BSN: variants seen among roughly 807,000 people sequenced by gnomAD.
The protein encoded by BSN is bassoon presynaptic cytomatrix protein, also known as protein bassoon.
BSN carries 57 observed loss-of-function variants against 264.8 expected under a neutral mutation model. That is an observed-to-expected ratio of 0.22 (90% CI 0.17 to 0.27). The LOEUF (loss-of-function observed/expected upper bound fraction) is 0.27. Ranked by LOEUF, BSN falls within the 10% of genes least tolerant of loss-of-function variation. The pLI, the probability that BSN is intolerant of heterozygous loss-of-function variation, is 1.00. For synonymous variants in BSN, 2,059 were observed against 2,137.3 expected (o/e 0.96, Z 1.01); for missense variants, 4,615 against 5,232.5 (o/e 0.88, Z 3.64).
In BSN at chr3:49,655,477, A is replaced by C. The variant is rs144814234; in HGVS notation, c.5921A>C (p.Gln1974Pro). Reference sequence around the variant, plus strand: ...CATGAGGAGCAGAGGCCCTACCCACAAGGCCTGCCTGGTAGGCTGTACTCC... The same window carrying C: ...CATGAGGAGCAGAGGCCCTACCCACCAGGCCTGCCTGGTAGGCTGTACTCC... ...GPHEEQRPYP[Q>P]GLPGRLYSSM... The change falls in exon 5 of 12, where the codon CAA becomes CCA. Residue 1974 changes from glutamine (Q) to proline (P), a missense_variant. Transcript: ENST00000296452. The C allele has an allele frequency of 5.1e-4, 806 of 1,589,392 alleles. 7 individuals carry two copies. In the African/African-American group the frequency reaches 0.01, roughly 20 times the overall value.
At chr3:49,602,681 A>AC (rs2052081367) in intron 1 of BSN, among the ~76,000 whole-genome samples, 1 of 152,018 alleles carries the variant, frequency 6.6e-6, no homozygotes, top group Admixed American at 6.6e-5. Context: ...TCTGACCTCA[A>AC]GTGATCCATC....
chr3:49,612,237 G>A (rs749972503), intron 1 of BSN, among the ~76,000 whole-genome samples: 5 of 151,462 alleles, frequency 3.3e-5, no homozygotes, highest in Non-Finnish European at 7.4e-5. Flanking sequence ...CCGGGTTCAC[G>A]CCGTCCTCCT....
At chr3:49,562,910 C>T (rs1054409132) in intron 1 of BSN, among the ~76,000 whole-genome samples, 5 of 152,114 alleles carry the variant, frequency 3.3e-5, no homozygotes, top group African/African-American at 4.8e-5. Flanking sequence ...TGGCTATGCA[C>T]GTTGGGTATG....
intron 1 of BSN, among the ~76,000 whole-genome samples, chr3:49,606,135 C>T (rs56193137): frequency 0.36 from 7,418 of 20,822 alleles, 2,700 homozygotes; most frequent in East Asian, 0.73. Context: ...ATTATATATA[C>T]ATATATTATA....
intron 11 of BSN, among the ~76,000 whole-genome samples, chr3:49,666,909 C>CGGCTTCCTGT (rs1170479422): frequency 2.0e-5 from 3 of 152,216 alleles, no homozygotes; most frequent in African/African-American, 7.2e-5. Flanking sequence ...GGGCTTCCTG[C>CGGCTTCCTGT]GGCTTCCCGC....
intron 1 of BSN, among the ~76,000 whole-genome samples, chr3:49,577,280 A>G (rs2051852238): frequency 6.6e-6 from 1 of 152,232 alleles, no homozygotes; most frequent in Non-Finnish European, 1.5e-5. Context: ...TCAAATTACA[A>G]GAGTTTGTTC....
At position 49,650,617 on chromosome 3, in the gene BSN, A is replaced by G. The variant is rs773996500; in HGVS notation, c.1524A>G (p.Thr508=). Residue 508 remains threonine, a synonymous_variant, in exon 4 of 12, where the codon ACA becomes ACG. Transcript: ENST00000296452. ...CCTCTCCCATTTCCTTGCAGAAAAC[A>G]GAGTGGCTCTGTCTGAACTGCCAAA... ...FNPTPHLVEK[T]EWLCLNCQTK... is the part of the protein sequence containing the mutation. 2.5e-6 allele frequency: 4 copies of G among 1,589,668 alleles called. No homozygotes were observed. Among genetic ancestry groups the G allele is most frequent in the Non-Finnish European group, 2.6e-6 (3 of 1,174,142 alleles).
chr3:49,628,049 T>A, intron 2 of BSN, among the ~76,000 whole-genome samples: 1 of 152,104 alleles, frequency 6.6e-6, no homozygotes, highest in African/African-American at 2.4e-5. Flanking sequence ...AGCTTCCCAG[T>A]GGACAGAGGG....
intron 1 of BSN, among the ~76,000 whole-genome samples, chr3:49,575,658 GTATATATATA>G (rs10538409): frequency 1.6e-4 from 22 of 141,636 alleles, no homozygotes; most frequent in Non-Finnish European, 2.7e-4. Flanking sequence ...GTGTGTGTGT[GTATATATATA>G]TATATATATA....
intron 1 of BSN, among the ~76,000 whole-genome samples, chr3:49,600,742 T>C (rs576032791): frequency 1.3e-5 from 2 of 152,178 alleles, no homozygotes; most frequent in East Asian, 3.9e-4. Flanking sequence ...AGGTCGAGGC[T>C]CTAGTGAGCT....
At position 49,625,865 on chromosome 3, in the gene BSN, C is replaced by A. The variant is rs2052338492; in HGVS notation, c.633+482C>A. On this transcript the variant is annotated intron_variant, in intron 2 of 11. Transcript: ENST00000296452. The surrounding 1 kb of genome is among the most constrained non-coding windows in gnomAD (Gnocchi z 4.4). ...AGTTTCAGGGGAGGCAGGAAACTGC[C>A]TTCCAGCTGGGCTCTGGGAAGCACC... 6.6e-6 allele frequency among the ~76,000 whole-genome samples: 1 copy of A among 152,206 alleles called. No homozygotes were observed. The highest frequency in any genetic ancestry group is 2.4e-5 in the African/African-American group (1 of 41,458).
Position 49,651,620 on chromosome 3 carries a change from C to A in BSN, c.2064C>A (p.Asp688Glu), listed in dbSNP as rs377019592. ...QSLSDTGYSSDGISSSQSEIT... is the reference protein window; with the variant it reads ...QSLSDTGYSSEGISSSQSEIT... ...TCAGTGACACAGGCTATTCCTCTGA[C>A]GGCATCTCTAGCTCCCAGAGTGAGA... is the stretch of plus-strand genomic sequence containing the variant. The change falls in exon 5 of 12, where the codon GAC becomes GAA. Residue 688 changes from aspartate (D) to glutamate (E), a missense_variant. Around this residue, in one of 3 missense-constraint regions of BSN, gnomAD observed 1,197 missense variants for 1,348.0 expected, o/e 0.89. Coordinates refer to ENST00000296452, the MANE Select transcript of BSN (RefSeq NM_003458.4). The surrounding 1 kb of genome is among the most constrained non-coding windows in gnomAD (Gnocchi z 5.4). The A allele has an allele frequency of 4.3e-6, 7 of 1,613,842 alleles. No homozygotes were observed. Among genetic ancestry groups the A allele is most frequent in the Non-Finnish European group, 5.9e-6 (7 of 1,179,926 alleles).
Position 49,653,659 on chromosome 3 carries a change from A to G in BSN, c.4103A>G (p.Lys1368Arg), listed in dbSNP as rs2052565197. 6.2e-7 allele frequency: 1 copy of G among 1,613,662 alleles called. No individual in the cohort carries two copies. Among genetic ancestry groups the G allele is most frequent in the Non-Finnish European group, 8.5e-7 (1 of 1,179,908 alleles). The change falls in exon 5 of 12, where the codon AAG becomes AGG. Residue 1368 changes from lysine (K) to arginine (R), a missense_variant. By Grantham distance (26) the Lys-to-Arg change is conservative. Around this residue, in one of 3 missense-constraint regions of BSN, gnomAD observed 3,415 missense variants for 3,866.4 expected, o/e 0.88. Transcript: ENST00000296452. The surrounding 1 kb of genome is among the most constrained non-coding windows in gnomAD (Gnocchi z 6.3). ...CCTGCCTCCCCCAGCTCAGCCTCCA[A>G]GGAGATAGGCATGCCCTTTTCCCAG... ...SSPASPSSAS[K>R]EIGMPFSQGP...
chr3:49,625,407 C>T lies in BSN; in HGVS notation c.633+24C>T, dbSNP rs2108058310. On this transcript the variant is annotated intron_variant, in intron 2 of 11. Transcript: ENST00000296452. The surrounding 1 kb of genome is among the most constrained non-coding windows in gnomAD (Gnocchi z 4.4). Reference sequence around the variant, plus strand: ...AGGTAACCACTTCTGCGCCGGCTCCCCACTCACCTGCTACCTCATTACCAT... The same window carrying T: ...AGGTAACCACTTCTGCGCCGGCTCCTCACTCACCTGCTACCTCATTACCAT... The T allele has an allele frequency of 2.8e-6, 4 of 1,444,852 alleles. No individual in the cohort carries two copies. Among genetic ancestry groups the T allele is most frequent in the Non-Finnish European group, 3.6e-6 (4 of 1,100,474 alleles). 89.5% of individuals were successfully genotyped at this position (1,444,852 alleles called of 1,614,324 possible).
intron 1 of BSN, among the ~76,000 whole-genome samples, chr3:49,597,530 T>A (rs557765025): frequency 1.3e-5 from 2 of 152,054 alleles, no homozygotes; most frequent in South Asian, 2.1e-4. Flanking sequence ...AGGGTCTCAC[T>A]ATGTTGCCCA....
chr3:49,652,079 T>C lies in BSN; in HGVS notation c.2523T>C (p.Asp841=). ...GGGCAGCAGAACTGACTGATGAGGATTTCATGCGACGGCAGATTCTCGAGA... is the reference window on the plus strand; with the variant it reads ...GGGCAGCAGAACTGACTGATGAGGACTTCATGCGACGGCAGATTCTCGAGA... ...PARAAELTDE[D]FMRRQILEMS... is the part of the protein sequence containing the mutation. The change falls in exon 5 of 12, where the codon GAT becomes GAC. Residue 841 remains aspartate (D), a synonymous_variant. Coordinates refer to ENST00000296452, the MANE Select transcript of BSN (RefSeq NM_003458.4). The C allele has an allele frequency of 1.2e-6, 2 of 1,610,416 alleles. No individual in the cohort carries two copies. The highest frequency in any genetic ancestry group is 1.7e-6 in the Non-Finnish European group (2 of 1,177,418).
At chr3:49,559,983 T>C (rs2051700470) in intron 1 of BSN, among the ~76,000 whole-genome samples, 1 of 152,224 alleles carries the variant, frequency 6.6e-6, no homozygotes, top group Non-Finnish European at 1.5e-5. Flanking sequence ...TGGACCACTT[T>C]TCTGTTCCTT....
intron 1 of BSN, among the ~76,000 whole-genome samples, chr3:49,605,169 A>G (rs1366618706): frequency 2.1e-5 from 3 of 145,560 alleles, no homozygotes; most frequent in Non-Finnish European, 3.0e-5. Context: ...CTGAGGCAGG[A>G]GAATTGCTTG....
At chr3:49,581,454 C>A (rs2051895046) in intron 1 of BSN, among the ~76,000 whole-genome samples, 1 of 152,130 alleles carries the variant, frequency 6.6e-6, no homozygotes. Flanking sequence ...TATAACTGTT[C>A]TATTTTATTA....
Sources: allele counts gnomAD v4.1 joint callset (sites outside exome capture counted in the v4.1 genomes callset), GRCh38; gene constraint gnomAD v4.1.1; regional missense constraint gnomAD v4.1.1; non-coding constraint Gnocchi (gnomAD v3.1); transcripts MANE v1.5; gene names NCBI Gene and HGNC (gene_info 2026-07-23, HGNC 2026-07-21).